The following EHBP1 variants were observed in gnomAD, a reference collection of about 807,000 sequenced individuals.
The protein encoded by EHBP1 is EH domain binding protein 1.
Under a neutral mutation model 144.0 loss-of-function variants are expected in EHBP1, and 55 were observed. The observed-to-expected ratio is 0.38, with a 90% CI of 0.31 to 0.48. The LOEUF (loss-of-function observed/expected upper bound fraction) is 0.48. EHBP1 is among the 20% of genes least tolerant of loss of function. EHBP1 has a pLI of 0.98. For missense variants in EHBP1, 1,200 were observed against 1,364.2 expected, an observed-to-expected ratio of 0.88 and a Z score of 1.90; for synonymous variants, 469 against 472.7, an observed-to-expected ratio of 0.99 and a Z score of 0.10.
chr2:63,027,504 G>A (rs369392307), intron 19 of EHBP1, among the ~76,000 whole-genome samples: 1 of 152,198 alleles, frequency 6.6e-6, no homozygotes. Flanking sequence ...TGATTTCAAG[G>A]TGTTGTGTAA....
At chr2:62,804,492 A>G (rs918220227) in intron 5 of EHBP1, among the ~76,000 whole-genome samples, 1 of 152,238 alleles carries the variant, frequency 6.6e-6, no homozygotes, top group Non-Finnish European at 1.5e-5. Context: ...AAGAGAATAG[A>G]AGTGAATATT....
intron 15 of EHBP1, among the ~76,000 whole-genome samples, chr2:62,987,534 G>A (rs550915911): frequency 5.9e-4 from 90 of 152,190 alleles, no homozygotes; most frequent in Non-Finnish European, 1.1e-3. Context: ...CATTTAAATC[G>A]AATAATCTGA....
intron 10 of EHBP1, among the ~76,000 whole-genome samples, chr2:62,885,697 A>T (rs982744666): frequency 3.9e-5 from 6 of 152,230 alleles, no homozygotes; most frequent in Non-Finnish European, 8.8e-5. Context: ...TAAACAGCCA[A>T]TTACTGACAA....
chr2:62,815,800 G>T (rs2045398761), intron 5 of EHBP1, among the ~76,000 whole-genome samples: 1 of 152,146 alleles, frequency 6.6e-6, no homozygotes, highest in African/African-American at 2.4e-5. Flanking sequence ...TGGAATAGGT[G>T]AAGATATAAA....
intron 7 of EHBP1, among the ~76,000 whole-genome samples, chr2:62,846,913 A>G (rs1183607765): frequency 6.6e-6 from 1 of 152,222 alleles, no homozygotes; most frequent in African/African-American, 2.4e-5. Flanking sequence ...CCTCAAATCA[A>G]TCTGTAAATC....
chr2:62,979,942 C>T (rs989919742), intron 15 of EHBP1, among the ~76,000 whole-genome samples: 4 of 152,234 alleles, frequency 2.6e-5, no homozygotes, highest in African/African-American at 9.6e-5. Flanking sequence ...TCAATTTGGA[C>T]ATCTTTGGAA....
intron 13 of EHBP1, 30 bp from the exon 14 acceptor site, chr2:62,955,486 TG>T: frequency 1.3e-6 from 2 of 1,580,240 alleles, no homozygotes; most frequent in South Asian, 1.2e-5. Context: ...GTTTTTTTTT[TG>T]GCTTCTAATT....
At chr2:62,809,669 T>C (rs146515932) in intron 5 of EHBP1, among the ~76,000 whole-genome samples, 65 of 152,276 alleles carry the variant, frequency 4.3e-4, no homozygotes, top group African/African-American at 1.5e-3. Context: ...CCCCAACTAG[T>C]AGTCTGCAGT....
At chr2:62,700,296 C>T (rs1437898401) in intron 1 of EHBP1, among the ~76,000 whole-genome samples, 4 of 152,098 alleles carry the variant, frequency 2.6e-5, no homozygotes, top group African/African-American at 9.7e-5. Context: ...GCAAGAAACA[C>T]AGTTTTATTT....
intron 19 of EHBP1, among the ~76,000 whole-genome samples, chr2:63,002,808 T>C (rs1432589696): frequency 6.6e-6 from 1 of 152,138 alleles, no homozygotes; most frequent in Non-Finnish European, 1.5e-5. Context: ...TATAACAATG[T>C]AACTTCTATT....
chr2:62,937,109 A>T (rs1203225540), intron 10 of EHBP1, among the ~76,000 whole-genome samples: 2 of 152,204 alleles, frequency 1.3e-5, no homozygotes, highest in Admixed American at 1.3e-4. Context: ...GCCTTTTTTG[A>T]ATCAACTAAT....
Position 63,045,237 on chromosome 2 carries a change from T to C in EHBP1, c.3392+57T>C. 2 of 1,503,596 alleles carry C rather than the reference T, an allele frequency of 1.3e-6. No individual in the cohort carries two copies. Among genetic ancestry groups the C allele is most frequent in the South Asian group, 2.4e-5 (2 of 83,232 alleles). The allele number at this position is 1,503,596 out of a possible 1,614,324, so 93.1% of individuals were successfully genotyped here. On this transcript the variant is annotated intron_variant, in intron 22 of 22. Transcript: ENST00000431489. The surrounding 1 kb of genome is among the most constrained non-coding windows in gnomAD (Gnocchi z 5.7). ...GGCCACCTGCCGAGGGGCCGAGAAG[T>C]GTGCGGAAAGTTCAATCCAGAGGTC...
chr2:62,775,742 ACT>A (rs1235246273), intron 5 of EHBP1, among the ~76,000 whole-genome samples: 1 of 152,202 alleles, frequency 6.6e-6, no homozygotes, highest in Non-Finnish European at 1.5e-5. Flanking sequence ...CATTATAATA[ACT>A]CTGGTGTGAG....
In EHBP1 at chr2:62,830,195, CAT is replaced by C. The variant is rs1214972818; in HGVS notation, c.495-816_495-815del. On this transcript the variant is annotated intron_variant, in intron 6 of 22. Transcript: ENST00000431489. The stretch of plus-strand genomic sequence containing the variant: ...ACACACACACACACACACACACACA[CAT>C]ATATATACACATATACACACACACA... Among the ~76,000 whole-genome samples the C allele has an allele frequency of 4.2e-3, 488 of 116,272 alleles. 3 individuals carry two copies. The highest frequency in any genetic ancestry group is 0.024 in the Middle Eastern group (5 of 210). The allele number at this position is 116,272 out of a possible 152,430, so 76.3% of individuals were successfully genotyped here. A position where few individuals can be genotyped will look rare whatever the true frequency, so the allele number is the denominator to read the frequency against.
intron 14 of EHBP1, among the ~76,000 whole-genome samples, chr2:62,964,140 G>T (rs1341957978): frequency 6.6e-6 from 1 of 152,112 alleles, no homozygotes; most frequent in African/African-American, 2.4e-5. Flanking sequence ...CATACTGTTA[G>T]CTTGCTAGCA....
At chr2:62,980,466 C>T (rs2153198608) in intron 15 of EHBP1, among the ~76,000 whole-genome samples, 1 of 152,154 alleles carries the variant, frequency 6.6e-6, no homozygotes, top group African/African-American at 2.4e-5. Context: ...CTAAGAGGGC[C>T]AAAACAAAGG....
chr2:62,774,933 A>G (rs1295323209), intron 5 of EHBP1, among the ~76,000 whole-genome samples: 1 of 152,202 alleles, frequency 6.6e-6, no homozygotes, highest in Non-Finnish European at 1.5e-5. Flanking sequence ...TGTGAGAGAG[A>G]GGATAAAAAT....
intron 1 of EHBP1, among the ~76,000 whole-genome samples, chr2:62,697,134 T>A (rs1156962199): frequency 6.6e-6 from 1 of 152,252 alleles, no homozygotes; most frequent in African/African-American, 2.4e-5. Context: ...TTGCAGATCA[T>A]TTCTCTCAGA....
chr2:62,974,594 G>A (rs2153184448), intron 14 of EHBP1, among the ~76,000 whole-genome samples: 1 of 152,200 alleles, frequency 6.6e-6, no homozygotes, highest in East Asian at 1.9e-4. Context: ...TTTTCTTGCT[G>A]TGTCATTTGT....
Sources: gnomAD v4.1 joint callset for allele counts (sites outside exome capture counted in the v4.1 genomes callset) on GRCh38, gnomAD v4.1.1 for gene constraint, Gnocchi (gnomAD v3.1) non-coding constraint, MANE v1.5 for transcripts, NCBI Gene and HGNC (gene_info 2026-07-23, HGNC 2026-07-21) for gene names.